Variants in WWOX observed in about 807,000 individuals in gnomAD.
The protein encoded by WWOX is WW domain-containing oxidoreductase.
In WWOX, 69 loss-of-function variants were observed where a neutral mutation model predicts 46.2. The observed-to-expected ratio is 1.49, with a 90% CI of 1.23 to 1.82. The LOEUF is 1.82. WWOX is among the 40% of genes most tolerant of loss of function. WWOX has a pLI of 0.00. For synonymous variants in WWOX, 359 were observed against 202.6 expected (o/e 1.77, Z -6.56); for missense variants, 919 against 542.6 (o/e 1.69, Z -6.89).
chr16:78,578,706 T>A (rs956904196), intron 8 of WWOX, among the ~76,000 whole-genome samples: 1 of 152,128 alleles, frequency 6.6e-6, no homozygotes, highest in African/African-American at 2.4e-5. Context: ...TATGGGTCAT[T>A]TGGAAAAAGA....
At chr16:78,886,657 TGTAAA>T in intron 8 of WWOX, among the ~76,000 whole-genome samples, 1 of 147,462 alleles carries the variant, frequency 6.8e-6, no homozygotes, top group African/African-American at 2.5e-5. Flanking sequence ...TATATATATA[TGTAAA>T]ATATATATAT....
intron 8 of WWOX, among the ~76,000 whole-genome samples, chr16:79,047,419 AATTG>A (rs1331700604): frequency 6.6e-6 from 1 of 152,206 alleles, no homozygotes; most frequent in Admixed American, 6.5e-5. Flanking sequence ...TTAATTGATT[AATTG>A]ATTGATCGAC....
intron 8 of WWOX, among the ~76,000 whole-genome samples, chr16:78,709,845 G>T (rs567844727): frequency 6.6e-5 from 10 of 151,218 alleles, no homozygotes; most frequent in South Asian, 2.1e-4. Context: ...TCTCCTGCCT[G>T]AGCCTCCCGA....
At position 78,731,299 on chromosome 16, in the gene WWOX, A is replaced by C. The variant is rs62036140; in HGVS notation, c.1056+298547A>C. ...GAATTTAGAGCACAGAGGCACGCTC[A>C]CATGAAGCTGCCAATTCCTCTGCTT... On this transcript the variant is annotated intron_variant, in intron 8 of 8. Transcript: ENST00000566780. Among the ~76,000 whole-genome samples the C allele has an allele frequency of 3.0e-3, 457 of 152,256 alleles. 1 individual carries two copies. The highest frequency in any genetic ancestry group is 0.014 in the Middle Eastern group (4 of 294).
Position 79,111,573 on chromosome 16 carries a change from G to A in WWOX, c.1057-100035G>A, listed in dbSNP as rs548785180. 2.6e-5 allele frequency among the ~76,000 whole-genome samples: 4 copies of A among 152,064 alleles called. No individual in the cohort carries two copies. The East Asian group carries it at 7.7e-4, about 29-fold the overall frequency. ...ACTCTTTTGAAAGAGTACGATGGGG[G>A]AATAAAAGCCAGAAAGTTAAAAAAT... On this transcript the variant is annotated intron_variant, in intron 8 of 8. Transcript: ENST00000566780.
intron 8 of WWOX, among the ~76,000 whole-genome samples, chr16:78,497,960 T>C (rs1045184279): frequency 6.6e-6 from 1 of 151,900 alleles, no homozygotes. Flanking sequence ...GACAGCACTT[T>C]GGGAGGCCGA....
At chr16:78,797,042 T>A (rs1334271484) in intron 8 of WWOX, among the ~76,000 whole-genome samples, 1 of 151,998 alleles carries the variant, frequency 6.6e-6, no homozygotes, top group African/African-American at 2.4e-5. Flanking sequence ...GCCAGTCTGG[T>A]CTGGAACACC....
At chr16:79,005,649 C>T (rs1321887199) in intron 8 of WWOX, among the ~76,000 whole-genome samples, 1 of 152,152 alleles carries the variant, frequency 6.6e-6, no homozygotes, top group South Asian at 2.1e-4. Context: ...TTGTCCATGT[C>T]TCTCTATGTC....
intron 5 of WWOX, among the ~76,000 whole-genome samples, chr16:78,261,768 C>CTAGATATA (rs2079238887): frequency 2.2e-5 from 1 of 45,248 alleles, no homozygotes; most frequent in African/African-American, 1.4e-4. Context: ...ATCTATCTAT[C>CTAGATATA]TATGTATCTA....
chr16:78,106,289 T>A (rs1430925041), intron 1 of WWOX, among the ~76,000 whole-genome samples: 1 of 152,170 alleles, frequency 6.6e-6, no homozygotes, highest in Non-Finnish European at 1.5e-5. Context: ...TTGCCAATGC[T>A]TGGTTTATCT....
At position 78,578,351 on chromosome 16, in the gene WWOX, G is replaced by A. The variant is rs191834766; in HGVS notation, c.1056+145599G>A. 6.4e-3 allele frequency among the ~76,000 whole-genome samples: 846 copies of A among 132,300 alleles called. 12 individuals are homozygous for A. Among genetic ancestry groups the A allele is most frequent in the African/African-American group, 0.024 (810 of 34,246 alleles). 86.8% of individuals were successfully genotyped at this position (132,300 alleles called of 152,430 possible). A position where few individuals can be genotyped will look rare whatever the true frequency, so the allele number is the denominator to read the frequency against. On this transcript the variant is annotated intron_variant, in intron 8 of 8. Transcript: ENST00000566780. ...TTCACCCAGGCTGGAGTGCAGTGGC[G>A]CAATCTCGGCTCACTGCAAGCTCCG...
At position 78,911,315 on chromosome 16, in the gene WWOX, C is replaced by G. The variant is rs772112872; in HGVS notation, c.1057-300293C>G. Among the ~76,000 whole-genome samples the G allele has an allele frequency of 6.5e-4, 99 of 152,110 alleles. 1 individual carries two copies. Among genetic ancestry groups the G allele is most frequent in the Non-Finnish European group, 1.2e-3 (80 of 68,022 alleles). ...GGACATGTTCCCATTTCAGTGCATA[C>G]TTGACCTTTACCATAAATCACATAT... On this transcript the variant is annotated intron_variant, in intron 8 of 8. Coordinates refer to ENST00000566780, the MANE Select transcript of WWOX (RefSeq NM_016373.4).
At chr16:78,206,617 G>C (rs1000434606) in intron 5 of WWOX, among the ~76,000 whole-genome samples, 17 of 151,994 alleles carry the variant, frequency 1.1e-4, no homozygotes, top group African/African-American at 4.1e-4. Flanking sequence ...TTTAATTCTG[G>C]TTTAAGACTG....
intron 8 of WWOX, among the ~76,000 whole-genome samples, chr16:78,815,195 C>A (rs538867181): frequency 3.3e-5 from 5 of 152,076 alleles, no homozygotes; most frequent in Non-Finnish European, 7.4e-5. Flanking sequence ...CATGGTGGCA[C>A]ACACCTGTAA....
At chr16:78,497,276 A>G (rs1385840951) in intron 8 of WWOX, among the ~76,000 whole-genome samples, 1 of 152,188 alleles carries the variant, frequency 6.6e-6, no homozygotes, top group Non-Finnish European at 1.5e-5. Flanking sequence ...TTTATTCAGA[A>G]TTTGTTCTTT....
In WWOX at chr16:78,425,023, C is replaced by T. The variant is rs1363794629; in HGVS notation, c.759C>T (p.Ala253=). 6.2e-7 allele frequency: 1 copy of T among 1,614,006 alleles called. No homozygotes were observed. Among genetic ancestry groups the T allele is most frequent in the Admixed American group, 1.7e-5 (1 of 60,028 alleles). ...LQDVLCRSAP[A]RVIVVSSESH... is the part of the protein sequence containing the mutation. ...ATGTTTTGTGCCGCTCAGCTCCTGC[C>T]CGTGTCATTGTGGTCTCCTCAGAGT... The change falls in exon 7 of 9, where the codon GCC becomes GCT. Residue 253 remains alanine, a synonymous_variant. Transcript: ENST00000566780.
intron 8 of WWOX, among the ~76,000 whole-genome samples, chr16:78,945,244 A>G (rs140763168): frequency 2.0e-5 from 3 of 152,290 alleles, no homozygotes; most frequent in African/African-American, 7.2e-5. Context: ...TGAAAACCAA[A>G]TAACAGTGGC....
At chr16:78,817,552 A>G (rs562831664) in intron 8 of WWOX, among the ~76,000 whole-genome samples, 3 of 152,336 alleles carry the variant, frequency 2.0e-5, no homozygotes, top group Admixed American at 6.5e-5. Context: ...ATCAAAATTC[A>G]CGAACCCATG....
chr16:78,598,909 C>T (rs966348170), intron 8 of WWOX, among the ~76,000 whole-genome samples: 11 of 152,188 alleles, frequency 7.2e-5, no homozygotes, highest in African/African-American at 2.4e-4. Flanking sequence ...ACCAATAGCT[C>T]ACTCAGATTC....
Sources: gnomAD v4.1 joint callset for allele counts (sites outside exome capture counted in the v4.1 genomes callset) on GRCh38, gnomAD v4.1.1 for gene constraint, MANE v1.5 for transcripts, NCBI Gene and HGNC (gene_info 2026-07-23, HGNC 2026-07-21) for gene names.